The following RYR2 variants were observed in gnomAD, a reference collection of about 807,000 sequenced individuals.
RYR2 encodes cardiac muscle ryanodine receptor-calcium release channel.
In RYR2, 227 loss-of-function variants were observed where a neutral mutation model predicts 601.1. The ratio of observed to expected loss-of-function variants is 0.38; its 90% CI spans 0.34 to 0.42. The LOEUF is 0.42. RYR2 is among the 10% of genes least tolerant of loss of function. The probability of loss-of-function intolerance (pLI) is 1.00; values close to 1 mark genes in which losing one functional copy is unlikely to be tolerated. For synonymous variants in RYR2, 2,223 were observed against 2,175.1 expected (o/e 1.02, Z -0.61); for missense variants, 4,646 against 6,156.5 (o/e 0.75, Z 8.21).
chr1:237,395,740 G>T (rs895716280), intron 10 of RYR2, among the ~76,000 whole-genome samples: 1 of 151,874 alleles, frequency 6.6e-6, no homozygotes, highest in Non-Finnish European at 1.5e-5. Flanking sequence ...TAGAGATGGG[G>T]TTTCACCGTG....
chr1:237,381,594 G>T (rs1024752451), intron 8 of RYR2, among the ~76,000 whole-genome samples: 4 of 152,166 alleles, frequency 2.6e-5, no homozygotes. Flanking sequence ...AACTAATAGT[G>T]CATGGGGTAC....
At chr1:237,448,222 C>T (rs979600586) in intron 14 of RYR2, among the ~76,000 whole-genome samples, 3 of 152,052 alleles carry the variant, frequency 2.0e-5, no homozygotes, top group Non-Finnish European at 4.4e-5. Context: ...GCACCACACC[C>T]GGCATTGATA....
At chr1:237,282,371 A>T (rs1020469414) in intron 2 of RYR2, among the ~76,000 whole-genome samples, 3 of 152,170 alleles carry the variant, frequency 2.0e-5, no homozygotes, top group Non-Finnish European at 4.4e-5. Flanking sequence ...TCATATTTTC[A>T]TGTGCCATAA....
intron 71 of RYR2, among the ~76,000 whole-genome samples, chr1:237,714,991 C>CAAAAAAAAAAAAAAA: frequency 2.2e-5 from 1 of 44,452 alleles, no homozygotes; most frequent in African/African-American, 6.0e-5. Context: ...GACTCCATCT[C>CAAAAAAAAAAAAAAA]AAAAAAAAAA....
intron 24 of RYR2, among the ~76,000 whole-genome samples, chr1:237,514,392 A>G (rs2618688): frequency 0.32 from 48,051 of 151,914 alleles, 9,196 homozygotes; most frequent in East Asian, 0.5. Flanking sequence ...TTCAGACTGC[A>G]CGTACTGTGG....
chr1:237,359,226 A>G (rs1403223463), intron 4 of RYR2, among the ~76,000 whole-genome samples: 1 of 152,192 alleles, frequency 6.6e-6, no homozygotes, highest in African/African-American at 2.4e-5. Flanking sequence ...CACAAAGCCT[A>G]TTTTATACTA....
chr1:237,682,542 G>T (rs1017034348), intron 62 of RYR2, among the ~76,000 whole-genome samples: 1 of 152,022 alleles, frequency 6.6e-6, no homozygotes, highest in East Asian at 1.9e-4. Context: ...TACAGTATTC[G>T]GTACAGTAAC....
intron 5 of RYR2, among the ~76,000 whole-genome samples, chr1:237,367,898 C>A (rs1700332197): frequency 6.6e-6 from 1 of 152,198 alleles, no homozygotes; most frequent in South Asian, 2.1e-4. Context: ...CTTACCATGG[C>A]CTGACCTCAC....
In RYR2 at chr1:237,643,314, T is replaced by C; in HGVS notation, c.7222-13T>C. The C allele has an allele frequency of 6.2e-7, 1 of 1,607,712 alleles. No individual in the cohort carries two copies. Among genetic ancestry groups the C allele is most frequent in the Non-Finnish European group, 8.5e-7 (1 of 1,176,766 alleles). The stretch of plus-strand genomic sequence containing the variant: ...CACAAAGTTGTTCTAATGTTTTTTT[T>C]TCCCCTGTATAGTTGATTCATGCCG... On this transcript the variant is annotated splice_polypyrimidine_tract_variant and intron_variant, in intron 47 of 104. Transcript: ENST00000366574.
At chr1:237,773,154 T>C (rs1208430758) in intron 86 of RYR2, among the ~76,000 whole-genome samples, 5 of 152,148 alleles carry the variant, frequency 3.3e-5, no homozygotes, top group African/African-American at 4.8e-5. Context: ...CCAAAAAAGA[T>C]TGTTCCATGA....
At chr1:237,105,192 CTG>C (rs1161591023) in intron 1 of RYR2, among the ~76,000 whole-genome samples, 3 of 152,210 alleles carry the variant, frequency 2.0e-5, no homozygotes, top group African/African-American at 7.2e-5. Context: ...TGAGCACCGA[CTG>C]TATTCCACAC....
chr1:237,584,141 C>T (rs12139647), intron 29 of RYR2, among the ~76,000 whole-genome samples: 31,803 of 152,070 alleles, frequency 0.21, 3,676 homozygotes, highest in East Asian at 0.47. Context: ...ACACAAAGGA[C>T]AGGAAGGTGG....
chr1:237,815,210 T>A (rs1175383150), intron 100 of RYR2, among the ~76,000 whole-genome samples: 2 of 152,184 alleles, frequency 1.3e-5, no homozygotes, highest in South Asian at 2.1e-4. Flanking sequence ...AAGAAGCACA[T>A]CTTTTTGTCT....
intron 14 of RYR2, among the ~76,000 whole-genome samples, chr1:237,449,116 C>CA (rs1657754319): frequency 2.0e-5 from 3 of 152,114 alleles, no homozygotes; most frequent in Non-Finnish European, 4.4e-5. Context: ...ATATGGGTTA[C>CA]AAAAAATAAA....
chr1:237,207,391 C>A (rs1681937188), intron 1 of RYR2, among the ~76,000 whole-genome samples: 1 of 152,114 alleles, frequency 6.6e-6, no homozygotes, highest in Admixed American at 6.5e-5. Context: ...TGTGGTGAAA[C>A]CCTGTCTCTA....
intron 3 of RYR2, among the ~76,000 whole-genome samples, chr1:237,347,790 A>G (rs944768941): frequency 6.6e-6 from 1 of 152,120 alleles, no homozygotes; most frequent in Non-Finnish European, 1.5e-5. Flanking sequence ...ACCTCCCCCA[A>G]ACCAGAAGTT....
intron 1 of RYR2, among the ~76,000 whole-genome samples, chr1:237,083,957 A>C (rs975864559): frequency 9.9e-4 from 151 of 152,316 alleles, no homozygotes; most frequent in African/African-American, 3.2e-3. Context: ...CTGTGGACAC[A>C]CGTGGCATAT....
chr1:237,344,090 T>C (rs575389847), intron 3 of RYR2, among the ~76,000 whole-genome samples: 1 of 152,346 alleles, frequency 6.6e-6, no homozygotes, highest in Admixed American at 6.5e-5. Context: ...CCCAAAGTGC[T>C]GGGATTACAG....
At chr1:237,131,176 C>T (rs1050344358) in intron 1 of RYR2, among the ~76,000 whole-genome samples, 10 of 152,064 alleles carry the variant, frequency 6.6e-5, no homozygotes, top group African/African-American at 2.2e-4. Context: ...AATGACAGTT[C>T]CCCCTGGGAG....
Sources: allele counts gnomAD v4.1 joint callset (sites outside exome capture counted in the v4.1 genomes callset), GRCh38; gene constraint gnomAD v4.1.1; transcripts MANE v1.5; gene names NCBI Gene and HGNC (gene_info 2026-07-23, HGNC 2026-07-21).